Variants in KCNIP4 observed in about 807,000 individuals in gnomAD.
KCNIP4 encodes the protein potassium voltage-gated channel interacting protein 4.
A neutral mutation model predicts 34.0 loss-of-function variants in KCNIP4; 12 were observed. The observed-to-expected ratio is 0.35, with a 90% CI of 0.23 to 0.57. The LOEUF is 0.57. Ranked by LOEUF, KCNIP4 falls within the 20% of genes least tolerant of loss-of-function variation. The pLI is 0.83. For synonymous variants in KCNIP4, 124 were observed against 102.2 expected, an observed-to-expected ratio of 1.21 and a Z score of -1.29; for missense variants, 238 against 311.7, an observed-to-expected ratio of 0.76 and a Z score of 1.78.
In KCNIP4 at chr4:21,087,210, T is replaced by G. The variant is rs1382232624; in HGVS notation, c.62-204501A>C. On this transcript the variant is annotated intron_variant, in intron 1 of 8. Transcript: ENST00000382152. The stretch of plus-strand genomic sequence containing the variant: ...TGTGTGTTTTGAGACAGAGTCTTGC[T>G]CTGCCACCCAGGCTGGAGTTCAGTG... Among the ~76,000 whole-genome samples, 3 of 148,112 alleles carry G rather than the reference T, an allele frequency of 2.0e-5. No individual in the cohort carries two copies. The East Asian group carries it at 6.0e-4, about 30-fold the overall frequency.
At chr4:21,051,569 G>T (rs1742933916) in intron 1 of KCNIP4, among the ~76,000 whole-genome samples, 1 of 151,930 alleles carries the variant, frequency 6.6e-6, no homozygotes, top group Admixed American at 6.6e-5. Context: ...ATATTGTTTA[G>T]TTCTTTTTTT....
chr4:21,553,188 C>A (rs1029446600), intron 1 of KCNIP4, among the ~76,000 whole-genome samples: 1 of 152,036 alleles, frequency 6.6e-6, no homozygotes, highest in African/African-American at 2.4e-5. Context: ...GAGCACAGAT[C>A]AGTGTAGTCT....
intron 1 of KCNIP4, among the ~76,000 whole-genome samples, chr4:21,515,624 G>A (rs899296363): frequency 5.5e-5 from 8 of 145,986 alleles, no homozygotes; most frequent in African/African-American, 2.0e-4. Flanking sequence ...GTGACAGAGC[G>A]AGACTCCGTC....
chr4:21,746,919 T>C (rs183245381), intron 1 of KCNIP4, among the ~76,000 whole-genome samples: 9 of 152,330 alleles, frequency 5.9e-5, no homozygotes, highest in African/African-American at 2.2e-4. Flanking sequence ...ACACAATTGT[T>C]TGTTGTTATT....
In KCNIP4 at chr4:20,734,700, C is replaced by G; in HGVS notation, c.465G>C (p.Gly155=). ...FIKGLSILLR[G]TVQEKLNWAF... is the part of the protein sequence containing the mutation. ...CCCAATTGAGTTTTTCTTGTACTGT[C>G]CCCCGGAGCAAAATGGAAAGACCTT... The change falls in exon 6 of 9, where the codon GGG becomes GGC. Residue 155 remains glycine (G), a synonymous_variant. Coordinates refer to ENST00000382152, the MANE Select transcript of KCNIP4 (RefSeq NM_025221.6). 2 of 1,594,218 alleles carry G rather than the reference C, an allele frequency of 1.3e-6. No homozygotes were observed. Among genetic ancestry groups the G allele is most frequent in the East Asian group, 4.5e-5 (2 of 44,356 alleles).
rs1261631350 is a variant in KCNIP4, at chr4:21,899,096, TG to T, written c.61+49474del. Among the ~76,000 whole-genome samples, 31 of 152,182 alleles carry T rather than the reference TG, an allele frequency of 2.0e-4. 1 individual carries two copies. The highest frequency in any genetic ancestry group is 2.0e-3 in the Admixed American group (31 of 15,274). The stretch of plus-strand genomic sequence containing the variant: ...CTAAGTAAATTTCATCATGACTAAG[TG>T]GGATTTATCCCAGGGATGCAAGGAT... On this transcript the variant is annotated intron_variant, in intron 1 of 8. Coordinates refer to ENST00000382152, the MANE Select transcript of KCNIP4 (RefSeq NM_025221.6).
chr4:20,919,431 C>T (rs888729468), intron 1 of KCNIP4, among the ~76,000 whole-genome samples: 7 of 151,446 alleles, frequency 4.6e-5, no homozygotes, highest in Admixed American at 1.3e-4. Flanking sequence ...AGATCGGGCG[C>T]GGTGGCTCAT....
chr4:21,138,806 G>A (rs548202409), intron 1 of KCNIP4, among the ~76,000 whole-genome samples: 5 of 152,254 alleles, frequency 3.3e-5, no homozygotes, highest in South Asian at 2.1e-4. Flanking sequence ...AGACTCGGCC[G>A]CCATGGCTGG....
rs141250582 is a variant in KCNIP4, at chr4:20,927,482, G to C, written c.62-44773C>G. Among the ~76,000 whole-genome samples the C allele has an allele frequency of 2.8e-3, 420 of 152,192 alleles. 6 individuals carry two copies. Among genetic ancestry groups the C allele is most frequent in the African/African-American group, 9.7e-3 (401 of 41,540 alleles). ...GACTACAATATTTAGAAAATTCAAG[G>C]ATATTTATCTCTACCTTAAAATATT... On this transcript the variant is annotated intron_variant, in intron 1 of 8. Coordinates refer to ENST00000382152, the MANE Select transcript of KCNIP4 (RefSeq NM_025221.6).
intron 1 of KCNIP4, among the ~76,000 whole-genome samples, chr4:21,609,179 A>G (rs1286897006): frequency 6.6e-6 from 1 of 152,214 alleles, no homozygotes; most frequent in Admixed American, 6.5e-5. Flanking sequence ...AATCATTTCA[A>G]GTAAATAGAA....
intron 1 of KCNIP4, among the ~76,000 whole-genome samples, chr4:21,000,172 C>T (rs576251485): frequency 6.6e-6 from 1 of 152,100 alleles, no homozygotes; most frequent in African/African-American, 2.4e-5. Flanking sequence ...AGCTAACATG[C>T]AAATGATTAG....
At chr4:21,471,989 TATCTGC>T (rs2109807469) in intron 1 of KCNIP4, among the ~76,000 whole-genome samples, 1 of 152,356 alleles carries the variant, frequency 6.6e-6, no homozygotes, top group South Asian at 2.1e-4. Context: ...AACTGAAATG[TATCTGC>T]ATCTTTTCTT....
At chr4:21,446,833 A>G (rs539615126) in intron 1 of KCNIP4, among the ~76,000 whole-genome samples, 2 of 152,270 alleles carry the variant, frequency 1.3e-5, no homozygotes, top group African/African-American at 4.8e-5. Flanking sequence ...TTTGAAAGTT[A>G]TATATGTTAT....
intron 1 of KCNIP4, among the ~76,000 whole-genome samples, chr4:21,544,914 T>C (rs1817324): frequency 0.36 from 55,120 of 151,896 alleles, 10,272 homozygotes; most frequent in South Asian, 0.53. Flanking sequence ...TTTATACTTT[T>C]AAGTTGTCGG....
At chr4:21,757,388 C>T (rs543313266) in intron 1 of KCNIP4, among the ~76,000 whole-genome samples, 3 of 152,236 alleles carry the variant, frequency 2.0e-5, no homozygotes, top group South Asian at 4.1e-4. Context: ...AGAACGTAAG[C>T]TCACATGTGG....
intron 1 of KCNIP4, among the ~76,000 whole-genome samples, chr4:21,648,835 A>T (rs1249800662): frequency 6.6e-6 from 1 of 152,208 alleles, no homozygotes; most frequent in East Asian, 1.9e-4. Context: ...GGCCCCGCAC[A>T]TCATAGAAAG....
At chr4:21,510,968 C>T (rs902702864) in intron 1 of KCNIP4, among the ~76,000 whole-genome samples, 20 of 152,190 alleles carry the variant, frequency 1.3e-4, no homozygotes, top group East Asian at 1.9e-4. Context: ...TGCTTGAACT[C>T]GGGAGGCAGA....
chr4:21,303,732 C>T, intron 1 of KCNIP4: 3 of 1,140,560 alleles, frequency 2.6e-6, no homozygotes, highest in South Asian at 2.7e-5. Flanking sequence ...ATTTCAGGTG[C>T]CTCTTACATT....
At chr4:20,866,035 AG>A (rs922649431) in intron 2 of KCNIP4, among the ~76,000 whole-genome samples, 3 of 152,060 alleles carry the variant, frequency 2.0e-5, no homozygotes, top group Non-Finnish European at 4.4e-5. Flanking sequence ...AACTAAAAAA[AG>A]CTCTGGACCA....
Sources: gnomAD v4.1 joint callset for allele counts (sites outside exome capture counted in the v4.1 genomes callset) on GRCh38, gnomAD v4.1.1 for gene constraint, MANE v1.5 for transcripts, NCBI Gene and HGNC (gene_info 2026-07-23, HGNC 2026-07-21) for gene names.